The following TTC29 variants were observed in gnomAD, a reference collection of about 807,000 sequenced individuals.
The protein encoded by TTC29 is tetratricopeptide repeat protein 29.
Under a neutral mutation model 58.1 loss-of-function variants are expected in TTC29, and 49 were observed. The ratio of observed to expected loss-of-function variants is 0.84; its 90% CI spans 0.67 to 1.07. TTC29 has a LOEUF of 1.07. Among genes scored for constraint, TTC29 ranks in the 50% least tolerant of loss-of-function variants. TTC29 has a pLI of 0.00. For missense variants in TTC29, 582 were observed against 555.6 expected (o/e 1.05, Z -0.48); for synonymous variants, 209 against 196.8 (o/e 1.06, Z -0.52).
At chr4:146,749,673 A>G (rs958743303) in intron 11 of TTC29, among the ~76,000 whole-genome samples, 1 of 152,210 alleles carries the variant, frequency 6.6e-6, no homozygotes, top group African/African-American at 2.4e-5. Flanking sequence ...AGATAAGGAC[A>G]TCCAGATTGA....
intron 11 of TTC29, among the ~76,000 whole-genome samples, chr4:146,723,024 A>T (rs1467623519): frequency 6.6e-6 from 1 of 152,156 alleles, no homozygotes; most frequent in Non-Finnish European, 1.5e-5. Flanking sequence ...ATGCAGGCAG[A>T]TCACCTGAGG....
chr4:146,828,007 AT>A (rs895639077), intron 9 of TTC29, among the ~76,000 whole-genome samples: 9 of 152,078 alleles, frequency 5.9e-5, no homozygotes, highest in South Asian at 2.1e-4. Flanking sequence ...TATCAAATAC[AT>A]TTTTTTTCCT....
At chr4:146,803,321 G>T in intron 11 of TTC29, 136 bp downstream of exon 11, 1 of 645,122 alleles carries the variant, frequency 1.6e-6, no homozygotes, top group Non-Finnish European at 2.6e-6. Context: ...CAACCTTCAT[G>T]TAGTAATGGA....
chr4:146,853,427 G>A (rs1326842793), intron 8 of TTC29, among the ~76,000 whole-genome samples: 2 of 152,026 alleles, frequency 1.3e-5, no homozygotes. Flanking sequence ...GTTATAAAAT[G>A]TTTATTCATT....
At chr4:146,756,968 C>G (rs999840935) in intron 11 of TTC29, among the ~76,000 whole-genome samples, 7 of 152,056 alleles carry the variant, frequency 4.6e-5, no homozygotes, top group Admixed American at 3.9e-4. Context: ...TTGCATTGGG[C>G]TTTGCCTTTC....
chr4:146,781,372 C>A (rs140818636), intron 11 of TTC29, among the ~76,000 whole-genome samples: 1 of 151,808 alleles, frequency 6.6e-6, no homozygotes, highest in Non-Finnish European at 1.5e-5. Context: ...TTAAGAGACT[C>A]GAGCTCTCAA....
chr4:146,866,839 T>C (rs1487661577), intron 8 of TTC29, among the ~76,000 whole-genome samples: 1 of 152,160 alleles, frequency 6.6e-6, no homozygotes, highest in Admixed American at 6.6e-5. Flanking sequence ...ATAAGAGATG[T>C]AGGTGAAATG....
chr4:146,944,456 T>C (rs1440709191), intron 2 of TTC29: 1 of 152,214 alleles, frequency 6.6e-6, no homozygotes, highest in Non-Finnish European at 1.5e-5. Flanking sequence ...GGCCCCCAAG[T>C]AAAATTCTTC....
Position 146,944,238 on chromosome 4 carries a change from A to G in TTC29, c.-7+793T>C, listed in dbSNP as rs1287464446. 3 of 152,376 alleles carry G rather than the reference A, an allele frequency of 2.0e-5. No homozygotes were observed. The East Asian group carries it at 5.8e-4, about 29-fold the overall frequency. 9.4% of individuals were successfully genotyped at this position (152,376 alleles called of 1,614,324 possible). ...ATCATCGGGTGCTGAGACAAAGATCAAAAGGCCGCCTGAAGCCATTCCACT... is the reference window on the plus strand; with the variant it reads ...ATCATCGGGTGCTGAGACAAAGATCGAAAGGCCGCCTGAAGCCATTCCACT... On this transcript the variant is annotated intron_variant, in intron 2 of 12. Transcript: ENST00000325106.
intron 6 of TTC29, among the ~76,000 whole-genome samples, chr4:146,889,937 G>T (rs993792192): frequency 6.6e-5 from 10 of 151,984 alleles, no homozygotes; most frequent in Admixed American, 2.6e-4. Flanking sequence ...GCACATAATT[G>T]TTTTTTATGT....
chr4:146,884,076 A>T (rs1731814922), intron 6 of TTC29, among the ~76,000 whole-genome samples: 1 of 152,118 alleles, frequency 6.6e-6, no homozygotes, highest in African/African-American at 2.4e-5. Context: ...AATACTTAAA[A>T]AGGATCTCTT....
At chr4:146,937,543 A>G in intron 4 of TTC29, 51 bp downstream of exon 4, 1 of 1,180,718 alleles carries the variant, frequency 8.5e-7, no homozygotes, top group South Asian at 1.5e-5. Context: ...TAAAGAATCA[A>G]GACAAAAGAA....
intron 11 of TTC29, among the ~76,000 whole-genome samples, chr4:146,745,642 A>G (rs1745485479): frequency 6.6e-6 from 1 of 152,200 alleles, no homozygotes; most frequent in Admixed American, 6.5e-5. Flanking sequence ...TGATAGTCAC[A>G]ATATTTGTGA....
At chr4:146,855,730 C>A (rs1729801758) in intron 8 of TTC29, among the ~76,000 whole-genome samples, 1 of 152,138 alleles carries the variant, frequency 6.6e-6, no homozygotes, top group African/African-American at 2.4e-5. Context: ...ACACTAAAGA[C>A]ACCTTTGAGA....
chr4:146,728,585 T>A (rs1743966398), intron 11 of TTC29, among the ~76,000 whole-genome samples: 2 of 151,022 alleles, frequency 1.3e-5, no homozygotes, highest in Admixed American at 6.6e-5. Flanking sequence ...CAGGGAATGA[T>A]GGAATGGGGC....
intron 11 of TTC29, among the ~76,000 whole-genome samples, chr4:146,793,728 A>G (rs1024288194): frequency 6.6e-6 from 1 of 152,136 alleles, no homozygotes; most frequent in Admixed American, 6.5e-5. Context: ...GTTTTCATCT[A>G]CTTATCTTTT....
chr4:146,877,833 C>T (rs1731373836), intron 6 of TTC29, among the ~76,000 whole-genome samples: 1 of 152,064 alleles, frequency 6.6e-6, no homozygotes, highest in African/African-American at 2.4e-5. Flanking sequence ...CTGGGTAACT[C>T]AATTAGAATT....
At chr4:146,852,931 T>A (rs1729602388) in intron 8 of TTC29, among the ~76,000 whole-genome samples, 1 of 152,190 alleles carries the variant, frequency 6.6e-6, no homozygotes. Context: ...CTTTATGAAT[T>A]CATTTTTAAA....
chr4:146,846,578 C>T (rs573554643), intron 8 of TTC29, among the ~76,000 whole-genome samples: 1 of 152,328 alleles, frequency 6.6e-6, no homozygotes, highest in East Asian at 1.9e-4. Flanking sequence ...CCAGTGGCCA[C>T]CTAACCTTCT....
Sources: allele counts gnomAD v4.1 joint callset (sites outside exome capture counted in the v4.1 genomes callset), GRCh38; gene constraint gnomAD v4.1.1; transcripts MANE v1.5; gene names NCBI Gene and HGNC (gene_info 2026-07-23, HGNC 2026-07-21).